TTBK2: variants seen among roughly 807,000 people sequenced by gnomAD.
The protein encoded by TTBK2 is tau tubulin kinase 2, also known as tau-tubulin kinase 2.
A neutral mutation model predicts 110.8 loss-of-function variants in TTBK2; 28 were observed. That is an observed-to-expected ratio of 0.25 (90% CI 0.19 to 0.35). The LOEUF (loss-of-function observed/expected upper bound fraction) is 0.35. Among genes scored for constraint, TTBK2 ranks in the 10% least tolerant of loss-of-function variants. The pLI is 1.00. For synonymous variants in TTBK2, 532 were observed against 527.3 expected (o/e 1.01, Z -0.12); for missense variants, 1,369 against 1,500.3 (o/e 0.91, Z 1.45).
intron 3 of TTBK2, among the ~76,000 whole-genome samples, chr15:42,850,752 GA>G (rs936086760): frequency 1.3e-5 from 2 of 151,790 alleles, no homozygotes. Context: ...ATATCTATGT[GA>G]AAAAAAGTGA....
At chr15:42,773,235 T>A (rs1365586947) in intron 13 of TTBK2, among the ~76,000 whole-genome samples, 3 of 152,012 alleles carry the variant, frequency 2.0e-5, no homozygotes, top group Non-Finnish European at 4.4e-5. Flanking sequence ...GAAATAAGTA[T>A]ACAATTGATG....
At chr15:42,894,852 C>T (rs971394576) in intron 1 of TTBK2, among the ~76,000 whole-genome samples, 2 of 152,122 alleles carry the variant, frequency 1.3e-5, no homozygotes, top group African/African-American at 2.4e-5. Context: ...ATACATAAAA[C>T]GAATAATACA....
At chr15:42,762,676 C>T (rs1294394730) in intron 13 of TTBK2, among the ~76,000 whole-genome samples, 1 of 151,998 alleles carries the variant, frequency 6.6e-6, no homozygotes, top group East Asian at 1.9e-4. Flanking sequence ...AAGATCACCA[C>T]CACTGTACTC....
In TTBK2 at chr15:42,741,551, C is replaced by T. The variant is rs914183577; in HGVS notation, c.*4244G>A. 1 of 152,112 alleles carries T rather than the reference C, an allele frequency of 6.6e-6. No homozygotes were observed. The highest frequency in any genetic ancestry group is 1.5e-5 in the Non-Finnish European group (1 of 68,014). 9.4% of individuals were successfully genotyped at this position (152,112 alleles called of 1,614,324 possible). Reference sequence around the variant, plus strand: ...GTACCTCTCCCCTGAGGCAAAGTCCCGACACATCTGTGGTAAGTGCACATA... The same window carrying T: ...GTACCTCTCCCCTGAGGCAAAGTCCTGACACATCTGTGGTAAGTGCACATA... On this transcript the variant is annotated 3_prime_UTR_variant, in exon 15 of 15. Coordinates refer to ENST00000267890, the MANE Select transcript of TTBK2 (RefSeq NM_173500.4).
intron 13 of TTBK2, among the ~76,000 whole-genome samples, chr15:42,761,497 T>C (rs927540966): frequency 1.4e-4 from 20 of 145,050 alleles, no homozygotes; most frequent in African/African-American, 5.1e-4. Flanking sequence ...AAAGATAACC[T>C]ACAAAATGGA....
At chr15:42,849,109 A>C (rs1434132575) in intron 3 of TTBK2, among the ~76,000 whole-genome samples, 1 of 151,376 alleles carries the variant, frequency 6.6e-6, no homozygotes, top group African/African-American at 2.4e-5. Context: ...GATGACACAA[A>C]TGTAAGATGT....
chr15:42,865,407 C>T (rs1368717626), intron 3 of TTBK2, among the ~76,000 whole-genome samples: 7 of 151,402 alleles, frequency 4.6e-5, no homozygotes, highest in African/African-American at 1.2e-4. Context: ...TGCAGTGAGC[C>T]GAGACTGCGT....
At chr15:42,755,954 G>C (rs2061939670) in intron 13 of TTBK2, among the ~76,000 whole-genome samples, 1 of 152,156 alleles carries the variant, frequency 6.6e-6, no homozygotes, top group Admixed American at 6.5e-5. Context: ...CCAGCGCTCT[G>C]GGGGGCCGAG....
In TTBK2 at chr15:42,741,885, A is replaced by G. The variant is rs563954054; in HGVS notation, c.*3910T>C. 3.3e-5 allele frequency: 5 copies of G among 151,528 alleles called. No homozygotes were observed. Among genetic ancestry groups the G allele is most frequent in the South Asian group, 2.1e-4 (1 of 4,772 alleles). 9.4% of individuals were successfully genotyped at this position (151,528 alleles called of 1,614,324 possible). A position where few individuals can be genotyped will look rare whatever the true frequency, so the allele number is the denominator to read the frequency against. On this transcript the variant is annotated 3_prime_UTR_variant, in exon 15 of 15. Transcript: ENST00000267890. ...AATGTAGAACTGTCTGCTCTTGGGG[A>G]AAAAAAAAGCATCTGTTTTTAATTC...
At chr15:42,886,162 C>T (rs1274995558) in intron 1 of TTBK2, among the ~76,000 whole-genome samples, 1 of 152,136 alleles carries the variant, frequency 6.6e-6, no homozygotes, top group Non-Finnish European at 1.5e-5. Context: ...TTCTTTTCTA[C>T]GGACTCATCT....
intron 3 of TTBK2, among the ~76,000 whole-genome samples, chr15:42,854,178 A>G (rs1893838588): frequency 6.6e-6 from 1 of 152,178 alleles, no homozygotes. Context: ...GCCTCAAGTG[A>G]TCCTCCTGCC....
chr15:42,794,117 GAC>G (rs1246331555), intron 10 of TTBK2, among the ~76,000 whole-genome samples: 1 of 127,084 alleles, frequency 7.9e-6, no homozygotes, highest in African/African-American at 2.9e-5. Context: ...AAAAAAAAAA[GAC>G]AAATAAAAAA....
intron 4 of TTBK2, among the ~76,000 whole-genome samples, chr15:42,838,994 T>C (rs78924914): frequency 0.011 from 1,729 of 152,302 alleles, 29 homozygotes; most frequent in African/African-American, 0.039. Context: ...GTTTGACACA[T>C]GGGCAAATTG....
intron 7 of TTBK2, among the ~76,000 whole-genome samples, chr15:42,813,786 C>T (rs1891825455): frequency 6.7e-6 from 1 of 149,964 alleles, no homozygotes; most frequent in South Asian, 2.1e-4. Flanking sequence ...GCGGAGGTTG[C>T]AGTTAGCCAA....
At position 42,794,814 on chromosome 15, in the gene TTBK2, GA is replaced by G. The variant is rs764264374; in HGVS notation, c.823-14del. ...CGGATGTAAGAAGCTAAACCACAAA[GA>G]AAAAAACTAGAGTAAGTGAACAGTA... On this transcript the variant is annotated splice_polypyrimidine_tract_variant and intron_variant, in intron 9 of 14. Coordinates refer to ENST00000267890, the MANE Select transcript of TTBK2 (RefSeq NM_173500.4). The G allele has an allele frequency of 3.1e-6, 5 of 1,613,482 alleles. No homozygotes were observed. The highest frequency in any genetic ancestry group is 3.4e-6 in the Non-Finnish European group (4 of 1,179,830).
intron 1 of TTBK2, among the ~76,000 whole-genome samples, chr15:42,901,357 G>A (rs1371293877): frequency 4.0e-5 from 6 of 150,120 alleles, no homozygotes; most frequent in Non-Finnish European, 5.9e-5. Flanking sequence ...GCAAGACTCC[G>A]TCTTGAAAAA....
chr15:42,873,975 T>C (rs1432595365), intron 2 of TTBK2, among the ~76,000 whole-genome samples: 1 of 152,252 alleles, frequency 6.6e-6, no homozygotes, highest in Non-Finnish European at 1.5e-5. Context: ...TTAATTTCTT[T>C]ATCTTCTGAA....
At chr15:42,852,897 G>C (rs1893777721) in intron 3 of TTBK2, among the ~76,000 whole-genome samples, 1 of 152,184 alleles carries the variant, frequency 6.6e-6, no homozygotes, top group South Asian at 2.1e-4. Flanking sequence ...TTTACATAAG[G>C]TTAAAGGATA....
chr15:42,868,176 T>C (rs1301622238), intron 3 of TTBK2, among the ~76,000 whole-genome samples: 3 of 152,310 alleles, frequency 2.0e-5, no homozygotes, highest in African/African-American at 4.8e-5. Context: ...AGAGAGATGG[T>C]TCCTGACATA....
Sources: gnomAD v4.1 joint callset for allele counts (sites outside exome capture counted in the v4.1 genomes callset) on GRCh38, gnomAD v4.1.1 for gene constraint, MANE v1.5 for transcripts, NCBI Gene and HGNC (gene_info 2026-07-23, HGNC 2026-07-21) for gene names.